ATP5MC1: variants seen among roughly 807,000 people sequenced by gnomAD.
ATP5MC1 encodes the protein ATP synthase membrane subunit c locus 1.
A neutral mutation model predicts 12.1 loss-of-function variants in ATP5MC1; 4 were observed. The ratio of observed to expected loss-of-function variants is 0.33; its 90% CI spans 0.16 to 0.76. The LOEUF (loss-of-function observed/expected upper bound fraction) is 0.76. Ranked by LOEUF, ATP5MC1 falls within the 30% of genes least tolerant of loss-of-function variation. The pLI is 0.61. For missense variants in ATP5MC1, 117 were observed against 172.1 expected, an observed-to-expected ratio of 0.68 and a Z score of 1.79; for synonymous variants, 52 against 66.0, an observed-to-expected ratio of 0.79 and a Z score of 1.03.
In ATP5MC1 at chr17:48,895,796, T is replaced by C; in HGVS notation, c.*27T>C. On this transcript the variant is annotated 3_prime_UTR_variant, in exon 5 of 5. Coordinates refer to ENST00000393366, the MANE Select transcript of ATP5MC1 (RefSeq NM_005175.3). ...GCTCCATGGGGGGGTCACCGGCCTGTTGCTACTGCAACTCCACACCATTCT... is the reference window on the plus strand; with the variant it reads ...GCTCCATGGGGGGGTCACCGGCCTGCTGCTACTGCAACTCCACACCATTCT... The C allele has an allele frequency of 6.3e-7, 1 of 1,578,472 alleles. No homozygotes were observed. Among genetic ancestry groups the C allele is most frequent in the Non-Finnish European group, 8.7e-7 (1 of 1,149,226 alleles).
chr17:48,895,580 C>T (rs924102655), intron 4 of ATP5MC1, 75 bp from the exon 5 acceptor site: 2 of 1,402,950 alleles, frequency 1.4e-6, no homozygotes, highest in Non-Finnish European at 1.0e-6. Context: ...TCCCCATTCA[C>T]CTCACCCTCC....
chr17:48,894,515 C>T lies in ATP5MC1; in HGVS notation c.117+66C>T. The T allele has an allele frequency of 7.9e-6, 12 of 1,520,130 alleles. No homozygotes were observed. The South Asian group carries it at 1.2e-4, about 16-fold the overall frequency. 94.2% of individuals were successfully genotyped at this position (1,520,130 alleles called of 1,614,324 possible). A position where few individuals can be genotyped will look rare whatever the true frequency, so the allele number is the denominator to read the frequency against. On this transcript the variant is annotated intron_variant, in intron 3 of 4. Transcript: ENST00000393366. ...CAGGATGGTGGCTCACACCTGTAAT[C>T]CCAGCTCTTTGAGAGGCTGAGGCGA...
intron 4 of ATP5MC1, 85 bp from the exon 5 acceptor site, chr17:48,895,570 T>C: frequency 7.4e-7 from 1 of 1,357,078 alleles, no homozygotes; most frequent in South Asian, 1.2e-5. Flanking sequence ...GGAGTAACAG[T>C]CCCCATTCAC....
intron 2 of ATP5MC1, 23 bp downstream of exon 2, chr17:48,893,479 T>C (rs774537752): frequency 6.2e-7 from 1 of 1,613,198 alleles, no homozygotes; most frequent in African/African-American, 1.3e-5. Context: ...GCCGCAGTGC[T>C]CTGTAGTACC....
intron 3 of ATP5MC1, chr17:48,894,800 G>A (rs2040557101): frequency 1.9e-6 from 1 of 527,488 alleles, no homozygotes; most frequent in South Asian, 1.5e-5. Context: ...ATCAAGGAAT[G>A]TTCCCAGACA....
intron 3 of ATP5MC1, 173 bp downstream of exon 3, chr17:48,894,622 T>C: frequency 1.7e-6 from 1 of 600,272 alleles, no homozygotes. Flanking sequence ...ATAAAAAAAT[T>C]AGCCATGTGT....
rs912003907 is a variant in ATP5MC1 at position 48,895,704 on chromosome 17, G to T, written c.346G>T (p.Ala116Ser). 2 of 1,613,914 alleles carry T rather than the reference G, an allele frequency of 1.2e-6. No homozygotes were observed. Among genetic ancestry groups the T allele is most frequent in the Non-Finnish European group, 1.7e-6 (2 of 1,179,972 alleles). ...CTTCTCCTATGCCATTCTTGGCTTTGCCCTGTCTGAGGCCATGGGGCTTTT... is the reference window on the plus strand; with the variant it reads ...CTTCTCCTATGCCATTCTTGGCTTTTCCCTGTCTGAGGCCATGGGGCTTTT... Reference protein sequence around the residue: ...QLFSYAILGFALSEAMGLFCL... With the variant: ...QLFSYAILGFSLSEAMGLFCL... Residue 116 changes from alanine (A) to serine (S), a missense_variant, in exon 5 of 5, where the codon GCC (alanine) becomes TCC (serine). Coordinates refer to ENST00000393366, the MANE Select transcript of ATP5MC1 (RefSeq NM_005175.3).
intron 1 of ATP5MC1, 77 bp from the exon 2 acceptor site, chr17:48,893,332 C>T (rs989649982): frequency 4.7e-6 from 7 of 1,493,590 alleles, no homozygotes; most frequent in Non-Finnish European, 6.4e-6. Context: ...GTGAAGGGGA[C>T]GACCAAAGGT....
In ATP5MC1 at chr17:48,893,322, G is replaced by T. The variant is rs573172017; in HGVS notation, c.-9-87G>T. The T allele has an allele frequency of 3.0e-3, 4,236 of 1,410,284 alleles. 26 individuals carry two copies. The highest frequency in any genetic ancestry group is 0.013 in the South Asian group (1,074 of 79,590). The allele number at this position is 1,410,284 out of a possible 1,614,324, so 87.4% of individuals were successfully genotyped here. The stretch of plus-strand genomic sequence containing the variant: ...CGTGGTCTAGGGAGGACGGACGGGG[G>T]TGAAGGGGACGACCAAAGGTCGTCA... On this transcript the variant is annotated intron_variant, in intron 1 of 4. Transcript: ENST00000393366.
At chr17:48,893,494 G>T (rs766194167) in intron 2 of ATP5MC1, 38 bp downstream of exon 2, 4 of 1,610,202 alleles carry the variant, frequency 2.5e-6, no homozygotes, top group Non-Finnish European at 3.4e-6. Flanking sequence ...AGTACCAGGT[G>T]TATGGTGTGG....
Position 48,895,732 on chromosome 17 carries a change from G to A in ATP5MC1, c.374G>A (p.Cys125Tyr). 1.2e-6 allele frequency: 2 copies of A among 1,613,778 alleles called. No homozygotes were observed. Among genetic ancestry groups the A allele is most frequent in the Non-Finnish European group, 1.7e-6 (2 of 1,179,966 alleles). The change falls in exon 5 of 5, where the codon TGT becomes TAT. Residue 125 changes from cysteine to tyrosine, a missense_variant. Physicochemically the swap from Cys to Tyr is radical, Grantham distance 194 (BLOSUM62 -2). Transcript: ENST00000393366. Reference protein sequence around the residue: ...FALSEAMGLFCLMVAFLILFA... With the variant: ...FALSEAMGLFYLMVAFLILFA... ...CTGTCTGAGGCCATGGGGCTTTTCTGTTTGATGGTCGCCTTCCTCATCCTC... is the reference window on the plus strand; with the variant it reads ...CTGTCTGAGGCCATGGGGCTTTTCTATTTGATGGTCGCCTTCCTCATCCTC...
At chr17:48,893,910 C>G (rs1018474740) in intron 2 of ATP5MC1, 8 of 208,590 alleles carry the variant, frequency 3.8e-5, no homozygotes, top group African/African-American at 1.9e-4. Context: ...AAAATTATTT[C>G]AAAAAAGCCA....
At position 48,894,376 on chromosome 17, in the gene ATP5MC1, G is replaced by T; in HGVS notation, c.44G>T (p.Arg15Leu). 6.2e-7 allele frequency: 1 copy of T among 1,613,732 alleles called. No individual in the cohort carries two copies. Among genetic ancestry groups the T allele is most frequent in the Non-Finnish European group, 8.5e-7 (1 of 1,179,876 alleles). Residue 15 changes from arginine (R) to leucine (L), a missense_variant, in exon 3 of 5, where the codon CGC becomes CTC. Transcript: ENST00000393366. ...TGTGGCTTTCTGATTTTACAGATCC[G>T]CTGTTGTACCAGGGGTCTAATCAGG... The part of the protein sequence containing the change: ...GALFISPALI[R>L]CCTRGLIRPV...
rs1213819802 is a variant in ATP5MC1, at chr17:48,894,384, A to G, written c.52A>G (p.Thr18Ala). 2 of 1,613,968 alleles carry G rather than the reference A, an allele frequency of 1.2e-6. No homozygotes were observed. Among genetic ancestry groups the G allele is most frequent in the South Asian group, 2.2e-5 (2 of 91,082 alleles). Residue 18 changes from threonine to alanine, a missense_variant, in exon 3 of 5, where the codon ACC (threonine) becomes GCC (alanine). By Grantham distance (58) the Thr-to-Ala change is moderately conservative (BLOSUM62 0). Coordinates refer to ENST00000393366, the MANE Select transcript of ATP5MC1 (RefSeq NM_005175.3). ...TCTGATTTTACAGATCCGCTGTTGT[A>G]CCAGGGGTCTAATCAGGCCTGTGTC... ...FISPALIRCC[T>A]RGLIRPVSAS...
At chr17:48,893,783 C>T (rs2040550279) in intron 2 of ATP5MC1, 1 of 374,212 alleles carries the variant, frequency 2.7e-6, no homozygotes, top group Non-Finnish European at 4.8e-6. Flanking sequence ...GCCTAGGCTG[C>T]ACCTTAGACC....
At position 48,895,779 on chromosome 17, in the gene ATP5MC1, G is replaced by T; in HGVS notation, c.*10G>T. The T allele has an allele frequency of 6.9e-7, 1 of 1,453,036 alleles. No homozygotes were observed. 90.0% of individuals were successfully genotyped at this position (1,453,036 alleles called of 1,614,324 possible). ...CCTCTTCGCCATGTGAGGCTCCATGGGGGGGTCACCGGCCTGTTGCTACTG... is the reference window on the plus strand; with the variant it reads ...CCTCTTCGCCATGTGAGGCTCCATGTGGGGGTCACCGGCCTGTTGCTACTG... On this transcript the variant is annotated 3_prime_UTR_variant, in exon 5 of 5. Coordinates refer to ENST00000393366, the MANE Select transcript of ATP5MC1 (RefSeq NM_005175.3).
chr17:48,895,366 T>C, intron 4 of ATP5MC1, 32 bp downstream of exon 4: 1 of 1,554,470 alleles, frequency 6.4e-7, no homozygotes. Context: ...CATCTCCCAC[T>C]GTAAATTCCA....
intron 4 of ATP5MC1, 63 bp from the exon 5 acceptor site, chr17:48,895,592 G>A: frequency 6.9e-7 from 1 of 1,457,002 alleles, no homozygotes; most frequent in South Asian, 1.1e-5. Flanking sequence ...TCACCCTCCT[G>A]TGTCCTCCCC....
At chr17:48,893,492 G>C in intron 2 of ATP5MC1, 36 bp downstream of exon 2, 6 of 1,610,660 alleles carry the variant, frequency 3.7e-6, no homozygotes, top group Non-Finnish European at 5.1e-6. Context: ...GTAGTACCAG[G>C]TGTATGGTGT....
Sources: allele counts gnomAD v4.1 joint callset, GRCh38; gene constraint gnomAD v4.1.1; transcripts MANE v1.5; gene names NCBI Gene and HGNC (gene_info 2026-07-23, HGNC 2026-07-21).